The following PCDH15 variants were observed in gnomAD, a reference collection of about 807,000 sequenced individuals.
PCDH15 encodes protocadherin related 15, also known as protocadherin-15.
PCDH15 carries 129 observed loss-of-function variants against 178.5 expected under a neutral mutation model. That is an observed-to-expected ratio of 0.72 (90% CI 0.63 to 0.84). PCDH15 has a LOEUF of 0.84. PCDH15 is among the 40% of genes least tolerant of loss of function. PCDH15 has a pLI of 0.00. For missense variants in PCDH15, 2,230 were observed against 2,099.9 expected (o/e 1.06, Z -1.21); for synonymous variants, 800 against 732.0 (o/e 1.09, Z -1.50).
intron 2 of PCDH15, among the ~76,000 whole-genome samples, chr10:54,613,538 CAT>C (rs1278317132): frequency 6.6e-6 from 1 of 151,282 alleles, no homozygotes; most frequent in African/African-American, 2.4e-5. Flanking sequence ...CACACATACA[CAT>C]ATGCACAAGG....
At chr10:54,636,890 A>G (rs2093866227) in intron 2 of PCDH15, among the ~76,000 whole-genome samples, 1 of 152,026 alleles carries the variant, frequency 6.6e-6, no homozygotes. Flanking sequence ...CAAATGATTT[A>G]CACAACGTCA....
chr10:55,463,879 G>A (rs951454630), intron 2 of PCDH15, among the ~76,000 whole-genome samples: 2 of 99,274 alleles, frequency 2.0e-5, no homozygotes, highest in Non-Finnish European at 4.0e-5. Flanking sequence ...GAAAGAGAGA[G>A]AGAAAGAGAG....
At chr10:54,711,026 C>T (rs183771439) in intron 1 of PCDH15, among the ~76,000 whole-genome samples, 1 of 152,084 alleles carries the variant, frequency 6.6e-6, no homozygotes, top group East Asian at 1.9e-4. Context: ...CAGTACTTGA[C>T]AGCATGGCAA....
intron 3 of PCDH15, among the ~76,000 whole-genome samples, chr10:54,496,718 A>G (rs1418363): frequency 0.048 from 7,362 of 152,192 alleles, 583 homozygotes; most frequent in African/African-American, 0.17. Flanking sequence ...AAAACTTGAG[A>G]GAGCTTATCT....
intron 2 of PCDH15, among the ~76,000 whole-genome samples, chr10:55,609,351 C>T (rs1409235041): frequency 6.6e-6 from 1 of 152,124 alleles, no homozygotes; most frequent in Non-Finnish European, 1.5e-5. Context: ...ACTATGCCTT[C>T]AAACCTTGGT....
intron 2 of PCDH15, among the ~76,000 whole-genome samples, chr10:54,919,930 C>G (rs1047634912): frequency 6.6e-6 from 1 of 151,770 alleles, no homozygotes; most frequent in Non-Finnish European, 1.5e-5. Context: ...AGAATTCATT[C>G]TGCTTCTTGT....
intron 2 of PCDH15, among the ~76,000 whole-genome samples, chr10:55,517,507 C>T (rs961046343): frequency 6.6e-6 from 1 of 152,064 alleles, no homozygotes; most frequent in African/African-American, 2.4e-5. Context: ...TAAAATTATA[C>T]ATTGGCATAA....
At chr10:55,563,991 A>C (rs1842251607) in intron 2 of PCDH15, among the ~76,000 whole-genome samples, 1 of 151,960 alleles carries the variant, frequency 6.6e-6, no homozygotes, top group African/African-American at 2.4e-5. Flanking sequence ...TATATATCTC[A>C]GTAAAGGTAA....
intron 2 of PCDH15, among the ~76,000 whole-genome samples, chr10:55,116,509 A>G (rs953285520): frequency 6.6e-6 from 1 of 152,148 alleles, no homozygotes; most frequent in Non-Finnish European, 1.5e-5. Flanking sequence ...GATTCAGGGA[A>G]AAGTTGGAGA....
chr10:54,779,491 T>C (rs1406356575), intron 1 of PCDH15, among the ~76,000 whole-genome samples: 1 of 138,272 alleles, frequency 7.2e-6, no homozygotes, highest in Non-Finnish European at 1.6e-5. Flanking sequence ...TATATATGTA[T>C]ATATATACAC....
chr10:55,165,074 T>C (rs1358820647), intron 2 of PCDH15, among the ~76,000 whole-genome samples: 1 of 152,110 alleles, frequency 6.6e-6, no homozygotes, highest in African/African-American at 2.4e-5. Context: ...GCTACATTTT[T>C]ATTTGAATGT....
intron 2 of PCDH15, among the ~76,000 whole-genome samples, chr10:55,150,391 C>T (rs1474558392): frequency 6.6e-6 from 1 of 151,936 alleles, no homozygotes; most frequent in East Asian, 1.9e-4. Context: ...CTTTTTGGCA[C>T]CAGCAAAGTC....
At chr10:54,219,918 AATTGATAGACATATAT>A (rs1181311154) in intron 9 of PCDH15, among the ~76,000 whole-genome samples, 3 of 152,128 alleles carry the variant, frequency 2.0e-5, no homozygotes, top group Non-Finnish European at 4.4e-5. Flanking sequence ...TGAGGAAAAA[AATTGATAGACATATAT>A]ATTTTAATAA....
chr10:54,230,695 T>A (rs2053964772), intron 9 of PCDH15, among the ~76,000 whole-genome samples: 2 of 152,172 alleles, frequency 1.3e-5, no homozygotes, highest in South Asian at 4.1e-4. Context: ...ATCTCCATTC[T>A]TAATCAATGG....
rs764909816 is a variant in PCDH15, at chr10:54,202,454, CCA to C, written c.1099-6567_1099-6566del. Among the ~76,000 whole-genome samples the C allele has an allele frequency of 8.5e-5, 13 of 152,088 alleles. No homozygotes were observed. In the East Asian group the frequency reaches 2.5e-3, roughly 30 times the overall value. On this transcript the variant is annotated intron_variant, in intron 10 of 37. Coordinates refer to ENST00000644397, the MANE Select transcript of PCDH15 (RefSeq NM_001384140.1). ...AGATAAATGTTAAAAATCATGGCAA[CCA>C]CACAAGGCAATCATTCTCAAACTCT... is the stretch of plus-strand genomic sequence containing the variant.
At chr10:54,922,310 T>C (rs1001678344) in intron 2 of PCDH15, among the ~76,000 whole-genome samples, 1 of 152,136 alleles carries the variant, frequency 6.6e-6, no homozygotes, top group Non-Finnish European at 1.5e-5. Context: ...ACAAGTTAGC[T>C]ATTTCCAAGT....
At chr10:54,756,024 A>T (rs1369625985) in intron 1 of PCDH15, among the ~76,000 whole-genome samples, 2 of 149,706 alleles carry the variant, frequency 1.3e-5, no homozygotes, top group Non-Finnish European at 3.0e-5. Context: ...GACCAGCCTG[A>T]CCAATATGGT....
At chr10:55,485,120 G>A (rs1400239174) in intron 2 of PCDH15, among the ~76,000 whole-genome samples, 2 of 151,646 alleles carry the variant, frequency 1.3e-5, no homozygotes, top group African/African-American at 2.4e-5. Context: ...GGGAGAAAAT[G>A]TTTGCAAACT....
chr10:54,753,128 T>C (rs1406944789), intron 1 of PCDH15, among the ~76,000 whole-genome samples: 1 of 152,188 alleles, frequency 6.6e-6, no homozygotes, highest in Non-Finnish European at 1.5e-5. Context: ...GTATATATTA[T>C]AAAGATACAT....
Sources: allele counts gnomAD v4.1 joint callset (sites outside exome capture counted in the v4.1 genomes callset), GRCh38; gene constraint gnomAD v4.1.1; transcripts MANE v1.5; gene names NCBI Gene and HGNC (gene_info 2026-07-23, HGNC 2026-07-21).